PRKAR2B: variants seen among roughly 807,000 people sequenced by gnomAD.
PRKAR2B encodes the protein protein kinase cAMP-dependent type II regulatory subunit beta.
Under a neutral mutation model 49.9 loss-of-function variants are expected in PRKAR2B, and 14 were observed. The ratio of observed to expected loss-of-function variants is 0.28; its 90% CI spans 0.19 to 0.44. PRKAR2B has a LOEUF of 0.44. Among genes scored for constraint, PRKAR2B ranks in the 20% least tolerant of loss-of-function variants. The pLI is 1.00. For synonymous variants in PRKAR2B, 196 were observed against 197.7 expected (o/e 0.99, Z 0.07); for missense variants, 393 against 537.9 (o/e 0.73, Z 2.67).
intron 7 of PRKAR2B, 117 bp from the exon 8 acceptor site, chr7:107,153,060 C>A (rs41276181): frequency 0.068 from 34,016 of 499,556 alleles, 1,342 homozygotes; most frequent in African/African-American, 0.098. Context: ...AACACATATA[C>A]AACCTACACA....
intron 2 of PRKAR2B, among the ~76,000 whole-genome samples, chr7:107,088,540 C>A (rs946835425): frequency 2.0e-5 from 3 of 152,150 alleles, no homozygotes; most frequent in Non-Finnish European, 4.4e-5. Context: ...CCAAATATAT[C>A]AATCTATTTT....
chr7:107,065,313 G>GGTGTGTGTGTGT (rs1353262616), intron 1 of PRKAR2B, among the ~76,000 whole-genome samples: 17 of 130,296 alleles, frequency 1.3e-4, no homozygotes, highest in African/African-American at 4.7e-4. Flanking sequence ...GTTTGCTCGG[G>GGTGTGTGTGTGT]GTGTGTGTAT....
At chr7:107,102,196 G>C (rs1217328081) in intron 2 of PRKAR2B, among the ~76,000 whole-genome samples, 2 of 152,074 alleles carry the variant, frequency 1.3e-5, no homozygotes, top group Non-Finnish European at 2.9e-5. Context: ...GACAGAGCGA[G>C]ACTCCGTCTC....
chr7:107,141,083 G>A, intron 5 of PRKAR2B, 130 bp downstream of exon 5: 1 of 607,898 alleles, frequency 1.6e-6, no homozygotes, highest in Non-Finnish European at 2.8e-6. Flanking sequence ...TTACATAATA[G>A]GCACTGTAAA....
chr7:107,153,112 C>T, intron 7 of PRKAR2B, 65 bp from the exon 8 acceptor site: 1 of 1,286,098 alleles, frequency 7.8e-7, no homozygotes, highest in Admixed American at 2.0e-5. Context: ...GTTTTTTACT[C>T]CCGAACTAGA....
At chr7:107,062,643 G>A (rs1398651629) in intron 1 of PRKAR2B, among the ~76,000 whole-genome samples, 1 of 152,084 alleles carries the variant, frequency 6.6e-6, no homozygotes, top group African/African-American at 2.4e-5. Context: ...GGTTGTGGAT[G>A]TATATGTTTA....
intron 6 of PRKAR2B, among the ~76,000 whole-genome samples, chr7:107,148,337 A>G (rs1795928262): frequency 6.6e-6 from 1 of 152,200 alleles, no homozygotes; most frequent in South Asian, 2.1e-4. Flanking sequence ...TCAGAATAAG[A>G]TCAACTGTTT....
intron 1 of PRKAR2B, among the ~76,000 whole-genome samples, chr7:107,050,388 G>T (rs976585126): frequency 8.9e-6 from 1 of 112,510 alleles, no homozygotes. Context: ...TTGATGTGCT[G>T]TGTCTGGGTA....
intron 2 of PRKAR2B, among the ~76,000 whole-genome samples, chr7:107,115,528 G>T (rs2115568028): frequency 6.6e-6 from 1 of 152,298 alleles, no homozygotes; most frequent in East Asian, 1.9e-4. Context: ...TAAGGAAATT[G>T]TAATGGTTCT....
intron 8 of PRKAR2B, among the ~76,000 whole-genome samples, chr7:107,154,897 G>A (rs1290171409): frequency 6.6e-6 from 1 of 152,214 alleles, no homozygotes; most frequent in Non-Finnish European, 1.5e-5. Context: ...TGGAATGTCA[G>A]TAGGCTAGCA....
chr7:107,120,217 C>T (rs942242543), intron 2 of PRKAR2B, among the ~76,000 whole-genome samples: 1 of 152,068 alleles, frequency 6.6e-6, no homozygotes, highest in African/African-American at 2.4e-5. Context: ...GCGGGGTGTT[C>T]GGTGCATCAT....
intron 2 of PRKAR2B, chr7:107,077,651 A>G (rs778292491): frequency 6.6e-6 from 1 of 152,202 alleles, no homozygotes; most frequent in Non-Finnish European, 1.5e-5. Flanking sequence ...TAAGGCCAGG[A>G]GTTATTTCAT....
At chr7:107,112,174 TAAAAAA>T (rs749209141) in intron 2 of PRKAR2B, among the ~76,000 whole-genome samples, 3 of 44,800 alleles carry the variant, frequency 6.7e-5, no homozygotes, top group African/African-American at 3.1e-4. Flanking sequence ...ACTGTGTCTC[TAAAAAA>T]AAAAAAAAAA....
At position 107,086,775 on chromosome 7, in the gene PRKAR2B, G is replaced by A. The variant is rs375383124; in HGVS notation, c.343+16459G>A. 2.0e-5 allele frequency among the ~76,000 whole-genome samples: 3 copies of A among 152,014 alleles called. No homozygotes were observed. In the East Asian group the frequency reaches 5.8e-4, roughly 29 times the overall value. ...CTCACCGGACGAAAATGTCTTTATA[G>A]CATCCATATGATAATTTGGTTTACT... On this transcript the variant is annotated intron_variant, in intron 2 of 10. Coordinates refer to ENST00000265717, the MANE Select transcript of PRKAR2B (RefSeq NM_002736.3).
At chr7:107,102,328 G>A (rs1794987390) in intron 2 of PRKAR2B, among the ~76,000 whole-genome samples, 1 of 152,198 alleles carries the variant, frequency 6.6e-6, no homozygotes, top group South Asian at 2.1e-4. Context: ...ACCTTATATG[G>A]TTCTGGGAAC....
At chr7:107,054,909 C>G (rs143757506) in intron 1 of PRKAR2B, among the ~76,000 whole-genome samples, 4 of 152,134 alleles carry the variant, frequency 2.6e-5, no homozygotes, top group African/African-American at 9.6e-5. Context: ...TGTGCTACAC[C>G]CATTAACTCT....
At chr7:107,073,589 C>T (rs962716035) in intron 2 of PRKAR2B, among the ~76,000 whole-genome samples, 4 of 152,224 alleles carry the variant, frequency 2.6e-5, no homozygotes, top group Non-Finnish European at 5.9e-5. Flanking sequence ...TGATGAAAAA[C>T]TGTCAGATGT....
At position 107,086,756 on chromosome 7, in the gene PRKAR2B, G is replaced by A. The variant is rs747010398; in HGVS notation, c.343+16440G>A. ...GGGATTAGGCATGCGCCCCCTCACCGGACGAAAATGTCTTTATAGCATCCA... is the reference window on the plus strand; with the variant it reads ...GGGATTAGGCATGCGCCCCCTCACCAGACGAAAATGTCTTTATAGCATCCA... On this transcript the variant is annotated intron_variant, in intron 2 of 10. Coordinates refer to ENST00000265717, the MANE Select transcript of PRKAR2B (RefSeq NM_002736.3). Among the ~76,000 whole-genome samples, 30 of 151,976 alleles carry A rather than the reference G, an allele frequency of 2.0e-4. 1 individual carries two copies. Among genetic ancestry groups the A allele is most frequent in the Non-Finnish European group, 3.7e-4 (25 of 68,008 alleles).
At chr7:107,099,500 G>A (rs988577913) in intron 2 of PRKAR2B, among the ~76,000 whole-genome samples, 7 of 152,210 alleles carry the variant, frequency 4.6e-5, no homozygotes, top group Admixed American at 1.3e-4. Flanking sequence ...ACCGTGGGCC[G>A]CACCCACTGT....
Sources: allele counts gnomAD v4.1 joint callset (sites outside exome capture counted in the v4.1 genomes callset), GRCh38; gene constraint gnomAD v4.1.1; transcripts MANE v1.5; gene names NCBI Gene and HGNC (gene_info 2026-07-23, HGNC 2026-07-21).